STK10: variants seen among roughly 807,000 people sequenced by gnomAD.
The protein encoded by STK10 is serine/threonine kinase 10.
STK10 carries 78 observed loss-of-function variants against 113.8 expected under a neutral mutation model. The observed-to-expected ratio is 0.69, with a 90% CI of 0.57 to 0.83. STK10 has a LOEUF of 0.83. Ranked by LOEUF, STK10 falls within the 40% of genes least tolerant of loss-of-function variation. The pLI is 0.00. For missense variants in STK10, 1,109 were observed against 1,280.1 expected (o/e 0.87, Z 2.04); for synonymous variants, 465 against 494.7 (o/e 0.94, Z 0.80).
chr5:172,186,257 T>C (rs60897994), intron 1 of STK10, among the ~76,000 whole-genome samples: 2,983 of 149,958 alleles, frequency 0.02, 89 homozygotes, highest in African/African-American at 0.064. Flanking sequence ...GCTTGGGCAA[T>C]AGAGTGAGAC....
chr5:172,092,024 G>T (rs1221760114), intron 9 of STK10, among the ~76,000 whole-genome samples: 1 of 152,222 alleles, frequency 6.6e-6, no homozygotes, highest in Non-Finnish European at 1.5e-5. Context: ...TCCTGCCCAT[G>T]GCACCTCGCC....
chr5:172,073,175 A>C (rs1768233748), intron 12 of STK10, among the ~76,000 whole-genome samples: 1 of 151,942 alleles, frequency 6.6e-6, no homozygotes, highest in Non-Finnish European at 1.5e-5. Context: ...TTTGAGATGA[A>C]GTCTTGCTCT....
Position 172,096,451 on chromosome 5 carries a change from T to A in STK10, c.980A>T (p.Glu327Val). 6.2e-7 allele frequency: 1 copy of A among 1,613,278 alleles called. No individual in the cohort carries two copies. The highest frequency in any genetic ancestry group is 8.5e-7 in the Non-Finnish European group (1 of 1,179,984). Residue 327 changes from glutamate (E) to valine (V), a missense_variant, in exon 8 of 19, where the codon GAG becomes GTG. Transcript: ENST00000176763. The part of the protein sequence containing the change: ...EIEDGRDEGE[E>V]EDAVDAASTL... ...GGAGGCGGCATCCACGGCGTCCTCCTCTTCCCCCTCATCCCGGCCGTCTTC... is the reference window on the plus strand; with the variant it reads ...GGAGGCGGCATCCACGGCGTCCTCCACTTCCCCCTCATCCCGGCCGTCTTC...
chr5:172,105,973 T>G lies in STK10; in HGVS notation c.789-236A>C, dbSNP rs368767884. Among the ~76,000 whole-genome samples the G allele has an allele frequency of 1.7e-3, 258 of 152,252 alleles. 1 individual carries two copies. Among genetic ancestry groups the G allele is most frequent in the African/African-American group, 5.6e-3 (232 of 41,548 alleles). ...TGCCCAGGCCACGCAGTGAGGAGAC[T>G]CAGCAGTGCCGGGATTTGAACCCAG... On this transcript the variant is annotated intron_variant, in intron 6 of 18. Transcript: ENST00000176763.
intron 2 of STK10, among the ~76,000 whole-genome samples, chr5:172,147,677 C>T (rs1031236522): frequency 6.6e-6 from 1 of 152,170 alleles, no homozygotes; most frequent in Non-Finnish European, 1.5e-5. Flanking sequence ...CAGGCGTGAG[C>T]CACTGTGCCC....
intron 3 of STK10, among the ~76,000 whole-genome samples, chr5:172,123,374 G>A (rs1042415626): frequency 6.6e-6 from 1 of 152,226 alleles, no homozygotes; most frequent in Non-Finnish European, 1.5e-5. Context: ...GGCTGGAGCA[G>A]TCAGGACCAC....
chr5:172,168,117 C>T (rs1770602956), intron 1 of STK10, among the ~76,000 whole-genome samples: 1 of 152,136 alleles, frequency 6.6e-6, no homozygotes, highest in South Asian at 2.1e-4. Context: ...CTCAGGGTTC[C>T]TATTTCCCTG....
chr5:172,110,744 C>T (rs1019401427), intron 4 of STK10, among the ~76,000 whole-genome samples: 10 of 152,054 alleles, frequency 6.6e-5, no homozygotes, highest in Non-Finnish European at 2.9e-5. Context: ...ATCTGTGACA[C>T]GGGGGTGATA....
chr5:172,148,573 G>A (rs777956737), intron 2 of STK10, among the ~76,000 whole-genome samples: 41 of 152,328 alleles, frequency 2.7e-4, no homozygotes, highest in Admixed American at 2.6e-4. Context: ...GCCACCAACC[G>A]CACCCGGGTC....
intron 7 of STK10, among the ~76,000 whole-genome samples, chr5:172,101,718 G>A (rs1287919198): frequency 1.3e-5 from 2 of 152,172 alleles, no homozygotes; most frequent in Non-Finnish European, 2.9e-5. Flanking sequence ...GGAGTGTAGT[G>A]GGTTTGCAAT....
intron 1 of STK10, among the ~76,000 whole-genome samples, chr5:172,172,813 C>T (rs1770685256): frequency 6.6e-6 from 1 of 152,066 alleles, no homozygotes; most frequent in African/African-American, 2.4e-5. Flanking sequence ...AACCCTGTCT[C>T]TACTAAAAAT....
intron 1 of STK10, among the ~76,000 whole-genome samples, chr5:172,182,382 T>C (rs1462306662): frequency 6.6e-6 from 1 of 151,376 alleles, no homozygotes. Context: ...TTTTGTTTTG[T>C]TTTGTTTTGA....
Position 172,187,780 on chromosome 5 carries a change from C to G in STK10, c.156+107G>C, listed in dbSNP as rs74759636. 0.1 allele frequency: 149,533 copies of G among 1,486,076 alleles called. 9,763 individuals are homozygous for G. The highest frequency in any genetic ancestry group is 0.31 in the African/African-American group (22,142 of 70,648). The allele number at this position is 1,486,076 out of a possible 1,614,324, so 92.1% of individuals were successfully genotyped here. On this transcript the variant is annotated intron_variant, in intron 1 of 18. Coordinates refer to ENST00000176763, the MANE Select transcript of STK10 (RefSeq NM_005990.4). This position sits in a 1 kb window ranked among gnomAD's most constrained non-coding sequence, Gnocchi z 4.6. The stretch of plus-strand genomic sequence containing the variant: ...AGGGCCAGGGACCCCGAATTCAGCG[C>G]CGGGCAGCCCTCGGAGCCGGAGCCA...
At chr5:172,084,643 G>A (rs1278642251) in intron 10 of STK10, among the ~76,000 whole-genome samples, 1 of 151,396 alleles carries the variant, frequency 6.6e-6, no homozygotes, top group Non-Finnish European at 1.5e-5. Context: ...AAATGAAGAG[G>A]GAAATTTTTC....
chr5:172,055,153 C>T (rs1313487566), intron 16 of STK10, among the ~76,000 whole-genome samples: 3 of 142,622 alleles, frequency 2.1e-5, no homozygotes, highest in African/African-American at 8.1e-5. Context: ...CATGGTGACT[C>T]GCACACCCCC....
At chr5:172,179,770 G>T (rs796876686) in intron 1 of STK10, among the ~76,000 whole-genome samples, 8 of 152,350 alleles carry the variant, frequency 5.3e-5, no homozygotes, top group African/African-American at 1.9e-4. Context: ...TCTCTTTCCG[G>T]AGGAGGAGGG....
chr5:172,087,146 GT>G (rs1768581283), intron 10 of STK10, among the ~76,000 whole-genome samples: 1 of 149,250 alleles, frequency 6.7e-6, no homozygotes, highest in African/African-American at 2.6e-5. Flanking sequence ...GTGTGTGTGT[GT>G]GTGTGTGGTG....
intron 1 of STK10, among the ~76,000 whole-genome samples, chr5:172,182,168 C>T (rs1022411493): frequency 2.0e-5 from 3 of 151,344 alleles, no homozygotes; most frequent in East Asian, 2.0e-4. Context: ...CCGGGTGTGG[C>T]GGTGCGCACC....
At chr5:172,156,575 G>GC (rs781639326) in intron 2 of STK10, 49 bp downstream of exon 2, 5 of 1,581,456 alleles carry the variant, frequency 3.2e-6, no homozygotes, top group Non-Finnish European at 4.3e-6. Context: ...TAGCTCCAGA[G>GC]CACCAGGCCA....
Sources: allele counts gnomAD v4.1 joint callset (sites outside exome capture counted in the v4.1 genomes callset), GRCh38; gene constraint gnomAD v4.1.1; non-coding constraint Gnocchi (gnomAD v3.1); transcripts MANE v1.5; gene names NCBI Gene and HGNC (gene_info 2026-07-23, HGNC 2026-07-21).